Variants in HDAC4 observed in about 807,000 individuals in gnomAD.
HDAC4 encodes histone deacetylase 4, also known as histone deacetylase A.
A neutral mutation model predicts 135.1 loss-of-function variants in HDAC4; 16 were observed. The ratio of observed to expected loss-of-function variants is 0.12; its 90% CI spans 0.08 to 0.18. HDAC4 has a LOEUF of 0.18. Ranked by LOEUF, HDAC4 falls within the 10% of genes least tolerant of loss-of-function variation. HDAC4 has a pLI of 1.00. For missense variants in HDAC4, 1,143 were observed against 1,511.8 expected (o/e 0.76, Z 4.05); for synonymous variants, 685 against 653.4 (o/e 1.05, Z -0.74).
At position 239,228,265 on chromosome 2, in the gene HDAC4, C is replaced by T. The variant is rs568430637; in HGVS notation, c.94+8328G>A. Reference sequence around the variant, plus strand: ...AGCAGCCTGCTGGAGGCCATGTGGCCAAAGGGAGACAGGAAGACTGTGCTG... The same window carrying T: ...AGCAGCCTGCTGGAGGCCATGTGGCTAAAGGGAGACAGGAAGACTGTGCTG... On this transcript the variant is annotated intron_variant, in intron 3 of 26. Transcript: ENST00000543185. Among the ~76,000 whole-genome samples, 6 of 152,252 alleles carry T rather than the reference C, an allele frequency of 3.9e-5. No homozygotes were observed. In the South Asian group the frequency reaches 1.0e-3, roughly 26 times the overall value.
intron 1 of HDAC4, among the ~76,000 whole-genome samples, chr2:239,390,797 C>T (rs896642229): frequency 3.9e-5 from 6 of 152,236 alleles, no homozygotes; most frequent in African/African-American, 1.4e-4. Context: ...CACGCAGCCT[C>T]CCTTGAGACA....
intron 9 of HDAC4, among the ~76,000 whole-genome samples, chr2:239,138,512 G>T (rs1229739372): frequency 6.6e-6 from 1 of 152,230 alleles, no homozygotes; most frequent in African/African-American, 2.4e-5. Context: ...AGAGAATTCA[G>T]AAAGAACCTC....
intron 24 of HDAC4, among the ~76,000 whole-genome samples, chr2:239,057,835 G>A (rs1269920702): frequency 2.6e-5 from 4 of 152,200 alleles, no homozygotes; most frequent in Non-Finnish European, 5.9e-5. Context: ...GGAATGATGA[G>A]CCAAGAAAAT....
At chr2:239,124,457 T>C (rs1361578658) in intron 12 of HDAC4, among the ~76,000 whole-genome samples, 1 of 152,174 alleles carries the variant, frequency 6.6e-6, no homozygotes, top group African/African-American at 2.4e-5. Flanking sequence ...CTGCCGCTTG[T>C]CAGTGTCATT....
At chr2:239,113,566 A>C (rs577845387) in intron 13 of HDAC4, among the ~76,000 whole-genome samples, 1 of 152,384 alleles carries the variant, frequency 6.6e-6, no homozygotes, top group East Asian at 1.9e-4. Context: ...AAGTGTTTCT[A>C]ATAATCATCT....
intron 14 of HDAC4, among the ~76,000 whole-genome samples, chr2:239,109,210 C>T (rs115309531): frequency 1.0e-3 from 153 of 152,358 alleles, no homozygotes; most frequent in African/African-American, 3.6e-3. Flanking sequence ...GAAGGCCAGG[C>T]TGGGTGAACA....
chr2:239,107,719 G>A (rs1005359158), intron 15 of HDAC4, among the ~76,000 whole-genome samples: 4 of 152,246 alleles, frequency 2.6e-5, no homozygotes, highest in Non-Finnish European at 5.9e-5. Flanking sequence ...GTTTCCTTGG[G>A]GAAGTGACCC....
intron 15 of HDAC4, among the ~76,000 whole-genome samples, chr2:239,106,802 T>TC (rs1378652161): frequency 6.6e-6 from 1 of 152,202 alleles, no homozygotes; most frequent in Non-Finnish European, 1.5e-5. Flanking sequence ...CCAGAGGCCC[T>TC]CCGTGCCACG....
chr2:239,058,462 T>C (rs1002741025), intron 24 of HDAC4, among the ~76,000 whole-genome samples: 1 of 152,196 alleles, frequency 6.6e-6, no homozygotes, highest in African/African-American at 2.4e-5. Flanking sequence ...GAAAATAATA[T>C]ATTGCCCAGG....
At chr2:239,248,102 C>T (rs1034465120) in intron 2 of HDAC4, among the ~76,000 whole-genome samples, 2 of 152,156 alleles carry the variant, frequency 1.3e-5, no homozygotes, top group East Asian at 1.9e-4. Flanking sequence ...AGTGACAGGC[C>T]GGTGGCTTCA....
At chr2:239,202,992 C>A (rs941384100) in intron 3 of HDAC4, among the ~76,000 whole-genome samples, 1 of 152,192 alleles carries the variant, frequency 6.6e-6, no homozygotes, top group African/African-American at 2.4e-5. Context: ...CTACGGGGTG[C>A]AGCACAGCCC....
intron 2 of HDAC4, among the ~76,000 whole-genome samples, chr2:239,250,319 G>A (rs1169473831): frequency 2.0e-5 from 3 of 152,244 alleles, no homozygotes; most frequent in Admixed American, 6.5e-5. Flanking sequence ...TGTGTCTTCA[G>A]TACCCGGTCT....
At chr2:239,364,762 T>G (rs1325116021) in intron 1 of HDAC4, among the ~76,000 whole-genome samples, 1 of 152,280 alleles carries the variant, frequency 6.6e-6, no homozygotes, top group Admixed American at 6.5e-5. Flanking sequence ...GACTGGTCCA[T>G]GCAGCTTGCA....
chr2:239,386,044 C>T (rs1452670487), intron 1 of HDAC4, among the ~76,000 whole-genome samples: 1 of 152,176 alleles, frequency 6.6e-6, no homozygotes, highest in East Asian at 1.9e-4. Flanking sequence ...CTGGGCCAAA[C>T]CCTGGAAGAC....
intron 1 of HDAC4, among the ~76,000 whole-genome samples, chr2:239,381,333 G>A (rs759703476): frequency 2.0e-5 from 3 of 152,006 alleles, no homozygotes; most frequent in East Asian, 1.9e-4. Context: ...TTGTTATCTC[G>A]AACTACATCT....
intron 2 of HDAC4, among the ~76,000 whole-genome samples, chr2:239,315,065 C>G (rs966087958): frequency 1.3e-5 from 2 of 152,214 alleles, no homozygotes; most frequent in Non-Finnish European, 2.9e-5. Flanking sequence ...CTCCACAAAC[C>G]CTTATCATAA....
intron 2 of HDAC4, among the ~76,000 whole-genome samples, chr2:239,335,708 T>C (rs1220251202): frequency 6.6e-6 from 1 of 152,126 alleles, no homozygotes; most frequent in Non-Finnish European, 1.5e-5. Flanking sequence ...AGTTGGTCAA[T>C]AAACGTATGA....
chr2:239,115,447 G>T lies in HDAC4; in HGVS notation c.1534-137C>A. The T allele has an allele frequency of 4.7e-6, 5 of 1,057,738 alleles. No individual in the cohort carries two copies. Among genetic ancestry groups the T allele is most frequent in the Non-Finnish European group, 6.9e-6 (5 of 728,842 alleles). The allele number at this position is 1,057,738 out of a possible 1,614,324, so 65.5% of individuals were successfully genotyped here. On this transcript the variant is annotated intron_variant, in intron 12 of 26. Transcript: ENST00000543185. This position sits in a 1 kb window ranked among gnomAD's most constrained non-coding sequence, Gnocchi z 6.3. ...AGGGCACCTTATCACCCTGCCACAG[G>T]CCAGCAGGCACCTTTATCTCCCAAC...
chr2:239,130,625 C>T (rs952913334), intron 11 of HDAC4, among the ~76,000 whole-genome samples: 4 of 139,288 alleles, frequency 2.9e-5, no homozygotes, highest in Admixed American at 7.4e-5. Context: ...ACGAGGCATA[C>T]ACATCTCCCT....
Sources: gnomAD v4.1 joint callset for allele counts (sites outside exome capture counted in the v4.1 genomes callset) on GRCh38, gnomAD v4.1.1 for gene constraint, Gnocchi (gnomAD v3.1) non-coding constraint, MANE v1.5 for transcripts, NCBI Gene and HGNC (gene_info 2026-07-23, HGNC 2026-07-21) for gene names.